Variants in TYW1 observed in about 807,000 individuals in gnomAD.
The protein encoded by TYW1 is S-adenosyl-L-methionine-dependent tRNA 4-demethylwyosine synthase TYW1.
TYW1 carries 46 observed loss-of-function variants against 96.2 expected under a neutral mutation model. That is an observed-to-expected ratio of 0.48 (90% confidence interval 0.38 to 0.61). The LOEUF is 0.61. Among genes scored for constraint, TYW1 ranks in the 20% least tolerant of loss-of-function variants. TYW1 has a pLI of 0.00. For synonymous variants in TYW1, 274 were observed against 323.0 expected (o/e 0.85, Z 1.63); for missense variants, 684 against 909.6 (o/e 0.75, Z 3.19).
intron 4 of TYW1, 65 bp from the exon 5 acceptor site, chr7:67,014,302 G>A (rs1448107783): frequency 3.1e-5 from 47 of 1,517,006 alleles, no homozygotes; most frequent in Non-Finnish European, 3.9e-5. Flanking sequence ...TTTTTCAAAG[G>A]ATTTTCTTCA....
intron 13 of TYW1, among the ~76,000 whole-genome samples, chr7:67,180,425 A>ATATTAT (rs1563058168): frequency 1.5e-5 from 1 of 68,636 alleles, no homozygotes; most frequent in African/African-American, 7.3e-5. Context: ...TATATATATA[A>ATATTAT]TTTTTTTTTT....
At chr7:67,166,636 T>C (rs1412183650) in intron 13 of TYW1, among the ~76,000 whole-genome samples, 3 of 152,074 alleles carry the variant, frequency 2.0e-5, no homozygotes, top group African/African-American at 7.2e-5. Context: ...TTAAATTCTT[T>C]TGTGAATATA....
At position 67,090,000 on chromosome 7, in the gene TYW1, T is replaced by C. The variant is rs1458307128; in HGVS notation, c.1384+6461T>C. 2.6e-5 allele frequency among the ~76,000 whole-genome samples: 4 copies of C among 152,176 alleles called. No individual in the cohort carries two copies. The East Asian group carries it at 7.7e-4, about 29-fold the overall frequency. ...AAACATCAAGTGATTGCACCGTCTT[T>C]GTCAGGAACGTCCTCGGTACTAAAG... On this transcript the variant is annotated intron_variant, in intron 11 of 15. Coordinates refer to ENST00000359626, the MANE Select transcript of TYW1 (RefSeq NM_018264.4).
At chr7:67,027,376 T>TAA (rs201834388) in intron 7 of TYW1, among the ~76,000 whole-genome samples, 2 of 151,416 alleles carry the variant, frequency 1.3e-5, no homozygotes, top group Non-Finnish European at 2.9e-5. Context: ...CTAGAAGCAA[T>TAA]AAAAAAAATT....
At chr7:67,087,799 G>A (rs531831036) in intron 11 of TYW1, among the ~76,000 whole-genome samples, 11 of 152,230 alleles carry the variant, frequency 7.2e-5, no homozygotes, top group Admixed American at 6.5e-4. Context: ...TGCGGAGGGT[G>A]TAGATGGGTC....
chr7:67,027,076 C>T (rs189514927), intron 7 of TYW1, among the ~76,000 whole-genome samples: 20 of 151,888 alleles, frequency 1.3e-4, no homozygotes, highest in African/African-American at 2.9e-4. Flanking sequence ...GGCATGTGCC[C>T]GTAGTCACAA....
intron 12 of TYW1, among the ~76,000 whole-genome samples, chr7:67,102,365 G>A (rs1482601187): frequency 1.3e-5 from 2 of 152,188 alleles, no homozygotes; most frequent in East Asian, 3.8e-4. Flanking sequence ...CCTGCAGAGG[G>A]ATTGTGGAAT....
In TYW1 at chr7:67,029,419, A is replaced by G. The variant is rs199966184; in HGVS notation, c.984+4397A>G. Reference sequence around the variant, plus strand: ...TGTGTGTGTGTGTGTGTGTGTGTATATATATATATATATAAATAGTATTTT... The same window carrying G: ...TGTGTGTGTGTGTGTGTGTGTGTATGTATATATATATATAAATAGTATTTT... On this transcript the variant is annotated intron_variant, in intron 7 of 15. Coordinates refer to ENST00000359626, the MANE Select transcript of TYW1 (RefSeq NM_018264.4). Among the ~76,000 whole-genome samples, 84 of 132,866 alleles carry G rather than the reference A, an allele frequency of 6.3e-4. 1 individual carries two copies. Among genetic ancestry groups the G allele is most frequent in the East Asian group, 5.3e-3 (26 of 4,890 alleles). The allele number at this position is 132,866 out of a possible 152,430, so 87.2% of individuals were successfully genotyped here.
chr7:66,998,714 A>G, intron 2 of TYW1, 103 bp from the exon 3 acceptor site: 1 of 1,323,270 alleles, frequency 7.6e-7, no homozygotes, highest in Non-Finnish European at 1.1e-6. Context: ...TGTCAGATTA[A>G]GAGAAAAATA....
chr7:67,114,286 G>A (rs527268526), intron 12 of TYW1: 1 of 154,232 alleles, frequency 6.5e-6, no homozygotes, highest in East Asian at 1.9e-4. Context: ...CTGTTTACTT[G>A]AATTTCTTAC....
At chr7:67,147,663 G>T (rs535208940) in intron 13 of TYW1, among the ~76,000 whole-genome samples, 1 of 152,202 alleles carries the variant, frequency 6.6e-6, no homozygotes, top group Admixed American at 6.5e-5. Flanking sequence ...ACTTATAAGT[G>T]AGAGCATGTG....
chr7:67,065,090 A>C (rs149578826), intron 9 of TYW1, among the ~76,000 whole-genome samples: 9,378 of 152,148 alleles, frequency 0.062, 406 homozygotes, highest in Non-Finnish European at 0.076. Context: ...TGGACCGCAC[A>C]CCTCTGGGAA....
At chr7:67,016,569 T>C (rs1168012254) in intron 5 of TYW1, among the ~76,000 whole-genome samples, 2 of 152,190 alleles carry the variant, frequency 1.3e-5, no homozygotes, top group Non-Finnish European at 2.9e-5. Context: ...ATAAATAAAA[T>C]AAAAGCTGTT....
At position 66,999,693 on chromosome 7, in the gene TYW1, C is replaced by T. The variant is rs557712363; in HGVS notation, c.273+739C>T. 2.9e-4 allele frequency among the ~76,000 whole-genome samples: 44 copies of T among 152,194 alleles called. No homozygotes were observed. In the South Asian group the frequency reaches 8.7e-3, roughly 30 times the overall value. On this transcript the variant is annotated intron_variant, in intron 3 of 15. Transcript: ENST00000359626. ...TATGTAATGAAACTTGTTTTGATTTCTAATAGTGCTAAAAGTGTTAAAGGT... is the reference window on the plus strand; with the variant it reads ...TATGTAATGAAACTTGTTTTGATTTTTAATAGTGCTAAAAGTGTTAAAGGT...
At chr7:67,035,701 T>C (rs145149271) in intron 7 of TYW1, among the ~76,000 whole-genome samples, 161 of 152,224 alleles carry the variant, frequency 1.1e-3, no homozygotes, top group African/African-American at 2.3e-3. Flanking sequence ...TTGTTTGAGA[T>C]GGAGTCTTCC....
In TYW1 at chr7:66,998,046, TG is replaced by T. The variant is rs1169371289; in HGVS notation, c.5-18del. On this transcript the variant is annotated intron_variant, in intron 1 of 15. Transcript: ENST00000359626. Reference sequence around the variant, plus strand: ...ATATGTAGCTTTAAATGAAATTGTGTGTGTCATTTTAAATTTAGATCCTTCT... The same window carrying T: ...ATATGTAGCTTTAAATGAAATTGTGTTGTCATTTTAAATTTAGATCCTTCT... 1 of 1,571,366 alleles carries T rather than the reference TG, an allele frequency of 6.4e-7. No homozygotes were observed. Among genetic ancestry groups the T allele is most frequent in the Admixed American group, 2.1e-5 (1 of 48,682 alleles).
At position 67,192,532 on chromosome 7, in the gene TYW1, TA is replaced by T. The variant is rs1800253806; in HGVS notation, c.1810-2635del. ...GTGTAATCCACACATAAGCAGTATT[TA>T]AATTGAGGTAGAGTACACTTTTATG... On this transcript the variant is annotated intron_variant, in intron 14 of 15. Coordinates refer to ENST00000359626, the MANE Select transcript of TYW1 (RefSeq NM_018264.4). Among the ~76,000 whole-genome samples, 4 of 152,236 alleles carry T rather than the reference TA, an allele frequency of 2.6e-5. 1 individual carries two copies. Among genetic ancestry groups the T allele is most frequent in the African/African-American group, 9.6e-5 (4 of 41,466 alleles).
chr7:67,047,410 T>A (rs1219293738), intron 7 of TYW1, among the ~76,000 whole-genome samples: 2 of 152,182 alleles, frequency 1.3e-5, no homozygotes, highest in African/African-American at 4.8e-5. Context: ...ACTATCTTAA[T>A]AAAATAATAA....
intron 15 of TYW1, among the ~76,000 whole-genome samples, chr7:67,218,256 T>C (rs1477952058): frequency 1.3e-5 from 2 of 152,206 alleles, no homozygotes; most frequent in Admixed American, 6.5e-5. Flanking sequence ...TTTTATACTT[T>C]TCATTGTACA....
Sources: gnomAD v4.1 joint callset for allele counts (sites outside exome capture counted in the v4.1 genomes callset) on GRCh38, gnomAD v4.1.1 for gene constraint, MANE v1.5 for transcripts, NCBI Gene and HGNC (gene_info 2026-07-23, HGNC 2026-07-21) for gene names.